The following PMFBP1 variants were observed in gnomAD, a reference collection of about 807,000 sequenced individuals.
PMFBP1 encodes polyamine-modulated factor 1-binding protein 1.
In PMFBP1, 131 loss-of-function variants were observed where a neutral mutation model predicts 137.8. That is an observed-to-expected ratio of 0.95 (90% CI 0.82 to 1.10). The LOEUF is 1.10. PMFBP1 is among the 50% of genes least tolerant of loss of function. The pLI is 0.00. For synonymous variants in PMFBP1, 490 were observed against 450.4 expected, an observed-to-expected ratio of 1.09 and a Z score of -1.11; for missense variants, 1,199 against 1,175.4, an observed-to-expected ratio of 1.02 and a Z score of -0.29.
At chr16:72,164,989 T>C (rs1264375231) in intron 2 of PMFBP1, 73 bp from the exon 3 acceptor site, 1 of 1,440,842 alleles carries the variant, frequency 6.9e-7, no homozygotes, top group Non-Finnish European at 9.2e-7. Context: ...ACTTAACAGG[T>C]TGACAGAGAC....
chr16:72,137,473 A>G (rs1466164581), intron 7 of PMFBP1, among the ~76,000 whole-genome samples: 2 of 152,150 alleles, frequency 1.3e-5, no homozygotes, highest in Admixed American at 6.5e-5. Context: ...GCATGTTGCA[A>G]TTTTAAGTAG....
intron 3 of PMFBP1, among the ~76,000 whole-genome samples, chr16:72,159,446 T>C (rs1238637661): frequency 6.6e-6 from 1 of 152,232 alleles, no homozygotes. Context: ...AGCCAGATGA[T>C]GAGATTTTAT....
At chr16:72,209,524 A>ATGT in the PMFBP1 span, among the ~76,000 whole-genome samples, 1 of 152,042 alleles carries the variant, frequency 6.6e-6, no homozygotes, top group African/African-American at 2.4e-5. Flanking sequence ...ATATATGTAT[A>ATGT]TATAACTGTA....
At chr16:72,237,636 C>CT in the PMFBP1 span, among the ~76,000 whole-genome samples, 35 of 151,844 alleles carry the variant, frequency 2.3e-4, no homozygotes, top group South Asian at 1.0e-3. Flanking sequence ...CTCTATATGT[C>CT]TTTTTTTTAA....
the PMFBP1 span, among the ~76,000 whole-genome samples, chr16:72,244,268 C>T: frequency 6.6e-6 from 1 of 151,684 alleles, no homozygotes; most frequent in Non-Finnish European, 1.5e-5. Flanking sequence ...AATGATTATT[C>T]TAATATTGAA....
At chr16:72,123,135 G>C in intron 18 of PMFBP1, 147 bp from the exon 19 acceptor site, 2 of 685,928 alleles carry the variant, frequency 2.9e-6, no homozygotes, top group East Asian at 5.4e-5. Flanking sequence ...GCAGAGCTAA[G>C]GCCTTCCTAG....
intron 4 of PMFBP1, among the ~76,000 whole-genome samples, chr16:72,151,932 C>CCCTCAGG: frequency 6.6e-6 from 1 of 152,120 alleles, no homozygotes; most frequent in South Asian, 2.1e-4. Context: ...GGGGTTAACG[C>CCCTCAGG]CCTCAGGAGC....
the PMFBP1 span, among the ~76,000 whole-genome samples, chr16:72,244,380 T>C: frequency 2.0e-5 from 3 of 152,156 alleles, no homozygotes; most frequent in African/African-American, 7.2e-5. Context: ...AAGTGGGTTG[T>C]AAATGTGTAG....
chr16:72,201,903 C>T, the PMFBP1 span, among the ~76,000 whole-genome samples: 1 of 152,188 alleles, frequency 6.6e-6, no homozygotes, highest in Non-Finnish European at 1.5e-5. Flanking sequence ...TCCAGGAAGG[C>T]CTCCCAGATC....
At chr16:72,200,709 A>G in the PMFBP1 span, among the ~76,000 whole-genome samples, 1 of 152,348 alleles carries the variant, frequency 6.6e-6, no homozygotes, top group East Asian at 1.9e-4. Context: ...ACATTATTAC[A>G]ATTCTTACAG....
At chr16:72,236,999 T>G in the PMFBP1 span, among the ~76,000 whole-genome samples, 1 of 152,150 alleles carries the variant, frequency 6.6e-6, no homozygotes, top group African/African-American at 2.4e-5. Flanking sequence ...TCAATCACAT[T>G]TCAAACTCAA....
chr16:72,181,128 A>G (rs966358892), upstream of PMFBP1, among the ~76,000 whole-genome samples: 8 of 151,758 alleles, frequency 5.3e-5, no homozygotes, highest in African/African-American at 1.9e-4. Flanking sequence ...AATCCCAGCT[A>G]CTCAGGAGGC....
At position 72,140,394 on chromosome 16, in the gene PMFBP1, C is replaced by G; in HGVS notation, c.807+18G>C. ...ATTGAGGGTCTCCCAGAGACATGTT[C>G]TAGAAGAAGGCACTTACCAAAGCGT... On this transcript the variant is annotated intron_variant, in intron 6 of 20. Transcript: ENST00000237353. 6.2e-7 allele frequency: 1 copy of G among 1,601,872 alleles called. No individual in the cohort carries two copies. The highest frequency in any genetic ancestry group is 8.6e-7 in the Non-Finnish European group (1 of 1,169,032).
chr16:72,195,534 G>A, the PMFBP1 span, among the ~76,000 whole-genome samples: 1 of 152,064 alleles, frequency 6.6e-6, no homozygotes, highest in Non-Finnish European at 1.5e-5. Context: ...CTGCCTGCAT[G>A]AGCTCAGCCA....
At chr16:72,194,568 A>G in the PMFBP1 span, among the ~76,000 whole-genome samples, 1 of 152,206 alleles carries the variant, frequency 6.6e-6, no homozygotes, top group East Asian at 1.9e-4. Context: ...TTTGAGCTTG[A>G]GCAAGTTCCT....
chr16:72,125,580 A>C (rs905971190), intron 15 of PMFBP1, among the ~76,000 whole-genome samples, 175 bp from the exon 16 acceptor site: 2 of 151,902 alleles, frequency 1.3e-5, no homozygotes, highest in Non-Finnish European at 2.9e-5. Flanking sequence ...GGTTTTCTGC[A>C]CCCTGCTTTC....
At chr16:72,221,108 C>A in the PMFBP1 span, among the ~76,000 whole-genome samples, 2 of 152,094 alleles carry the variant, frequency 1.3e-5, no homozygotes, top group African/African-American at 2.4e-5. Flanking sequence ...AAAGGTTAAG[C>A]AAAGACTGAG....
chr16:72,129,850 C>A (rs1186055941), intron 12 of PMFBP1, among the ~76,000 whole-genome samples: 1 of 151,852 alleles, frequency 6.6e-6, no homozygotes, highest in East Asian at 1.9e-4. Context: ...TATGTTTAAT[C>A]TTTTTCTTTT....
At chr16:72,222,279 G>C in the PMFBP1 span, among the ~76,000 whole-genome samples, 4 of 152,102 alleles carry the variant, frequency 2.6e-5, no homozygotes, top group Admixed American at 2.6e-4. Context: ...GCATAACCCT[G>C]GCATGTTAAA....
Sources: allele counts gnomAD v4.1 joint callset (sites outside exome capture counted in the v4.1 genomes callset), GRCh38; gene constraint gnomAD v4.1.1; transcripts MANE v1.5; gene names NCBI Gene and HGNC (gene_info 2026-07-23, HGNC 2026-07-21).